Variants in RAB37 observed in about 807,000 individuals in gnomAD.
RAB37 encodes the protein ras-related protein Rab-37.
RAB37 carries 29 observed loss-of-function variants against 33.1 expected under a neutral mutation model. The observed-to-expected ratio is 0.88, with a 90% CI of 0.65 to 1.20. RAB37 has a LOEUF of 1.20. RAB37 is among the 50% of genes most tolerant of loss of function. RAB37 has a pLI of 0.00. For missense variants in RAB37, 299 were observed against 301.1 expected (o/e 0.99, Z 0.05); for synonymous variants, 128 against 119.5 (o/e 1.07, Z -0.47).
At chr17:74,710,742 C>T (rs2033891946) in intron 1 of RAB37, among the ~76,000 whole-genome samples, 4 of 151,922 alleles carry the variant, frequency 2.6e-5, no homozygotes, top group African/African-American at 9.7e-5. Context: ...GCTGGCACAC[C>T]TGTAATCCCA....
intron 1 of RAB37, among the ~76,000 whole-genome samples, chr17:74,700,594 C>T (rs1236795585): frequency 6.6e-6 from 1 of 151,994 alleles, no homozygotes; most frequent in East Asian, 1.9e-4. Flanking sequence ...TACAAAATAA[C>T]AGCCGGGTGT....
At chr17:74,696,290 A>C in intron 1 of RAB37, 1 of 1,492,250 alleles carries the variant, frequency 6.7e-7, no homozygotes, top group Non-Finnish European at 9.0e-7. Context: ...GGTCTAGGGA[A>C]GAGAAATATG....
chr17:74,722,865 T>C (rs2034259834), intron 1 of RAB37, among the ~76,000 whole-genome samples: 1 of 152,222 alleles, frequency 6.6e-6, no homozygotes. Flanking sequence ...CTGAATTTCC[T>C]GTCTTGTTAA....
chr17:74,744,447 A>G lies in RAB37; in HGVS notation c.432+74A>G, dbSNP rs2034701305. On this transcript the variant is annotated intron_variant, in intron 6 of 8. Coordinates refer to ENST00000392613, the MANE Select transcript of RAB37 (RefSeq NM_001006638.3). The surrounding 1 kb of genome is among the most constrained non-coding windows in gnomAD (Gnocchi z 4.2). ...CTAGCCGGCCCCATAACCACCCAAG[A>G]ACAGTTATCTAGGCATCCTTCCTGA... The G allele has an allele frequency of 6.4e-6, 9 of 1,399,336 alleles. No individual in the cohort carries two copies. Among genetic ancestry groups the G allele is most frequent in the Non-Finnish European group, 9.1e-6 (9 of 985,470 alleles). The allele number at this position is 1,399,336 out of a possible 1,614,324, so 86.7% of individuals were successfully genotyped here.
chr17:74,704,584 A>G (rs200941249), intron 1 of RAB37: 1 of 1,614,224 alleles, frequency 6.2e-7, no homozygotes, highest in East Asian at 2.2e-5. Flanking sequence ...CCATGGTCAC[A>G]GTGAACGTGC....
rs144818073 is a variant in RAB37, at chr17:74,705,884, A to G, written c.73-23372A>G. ...TGTTGGGATTACAGGCGGGCCCCAC[A>G]ACGCCTGGCCTGTATTTTCTTAAAA... On this transcript the variant is annotated intron_variant, in intron 1 of 7. Coordinates refer to the RAB37 transcript ENST00000340415. Among the ~76,000 whole-genome samples the G allele has an allele frequency of 2.0e-3, 311 of 152,298 alleles. 1 individual carries two copies. Among genetic ancestry groups the G allele is most frequent in the African/African-American group, 6.3e-3 (261 of 41,564 alleles).
chr17:74,732,025 A>AC (rs201902340), intron 2 of RAB37, among the ~76,000 whole-genome samples: 57 of 147,030 alleles, frequency 3.9e-4, no homozygotes, highest in African/African-American at 1.1e-3. Context: ...AACAACAACA[A>AC]AAAAAAAAAA....
At chr17:74,702,290 A>T (rs2033124071) in intron 1 of RAB37, among the ~76,000 whole-genome samples, 1 of 152,162 alleles carries the variant, frequency 6.6e-6, no homozygotes, top group Non-Finnish European at 1.5e-5. Flanking sequence ...CAGGGCACTA[A>T]GAGGCATGAC....
At chr17:74,734,720 G>GT (rs1253911100), upstream of RAB37, among the ~76,000 whole-genome samples, 1 of 151,982 alleles carries the variant, frequency 6.6e-6, no homozygotes, top group Non-Finnish European at 1.5e-5. Flanking sequence ...ATGGGCACCT[G>GT]TTATCCCAGC....
intron 1 of RAB37, among the ~76,000 whole-genome samples, chr17:74,700,141 C>CAATAAATA (rs77860062): frequency 2.7e-4 from 40 of 147,834 alleles, no homozygotes; most frequent in East Asian, 1.0e-3. Context: ...GACCCTGTCT[C>CAATAAATA]AATAAATAAA....
In RAB37 at chr17:74,738,852, T is replaced by C. The variant is rs941192841; in HGVS notation, c.93+1487T>C. On this transcript the variant is annotated intron_variant, in intron 1 of 8. Transcript: ENST00000392613. This position sits in a 1 kb window ranked among gnomAD's most constrained non-coding sequence, Gnocchi z 5.0. ...GGTGATGTGGCCCACAGGCAGACAG[T>C]TCCCACCCTGGGCCACTCTTCCCTG... 6.6e-6 allele frequency among the ~76,000 whole-genome samples: 1 copy of C among 152,142 alleles called. No homozygotes were observed. The highest frequency in any genetic ancestry group is 6.5e-5 in the Admixed American group (1 of 15,284).
chr17:74,735,046 AAAG>A (rs1421777972), upstream of RAB37, among the ~76,000 whole-genome samples: 1 of 147,528 alleles, frequency 6.8e-6, no homozygotes, highest in Admixed American at 6.8e-5. Context: ...AGAAAGAAAG[AAAG>A]AAAGAAAGAA....
intron 1 of RAB37, among the ~76,000 whole-genome samples, chr17:74,723,422 C>T (rs1037127601): frequency 6.9e-6 from 1 of 145,648 alleles, no homozygotes; most frequent in African/African-American, 2.5e-5. Flanking sequence ...CCTTCTCGTA[C>T]TTGTGGGTTT....
chr17:74,745,436 C>T lies in RAB37; in HGVS notation c.*25C>T. ...AATCCCAGGGGGCAGAGAGGAGGCT[C>T]TGGAGGCACACAGGATGCAGCCTTC... On this transcript the variant is annotated 3_prime_UTR_variant, in exon 9 of 9. Coordinates refer to ENST00000392613, the MANE Select transcript of RAB37 (RefSeq NM_001006638.3). This position sits in a 1 kb window ranked among gnomAD's most constrained non-coding sequence, Gnocchi z 4.5. 4 of 1,580,192 alleles carry T rather than the reference C, an allele frequency of 2.5e-6. No homozygotes were observed. Among genetic ancestry groups the T allele is most frequent in the East Asian group, 2.2e-5 (1 of 44,728 alleles).
rs111264686 is a variant in RAB37 at position 74,706,685 on chromosome 17, A to G, written c.73-22571A>G. On this transcript the variant is annotated intron_variant, in intron 1 of 7. Transcript: ENST00000340415. ...CTCCATCTCAAAAACAAAACAAAAC[A>G]AAACAAAAACCAGCAGTTCAAGCAC... is the stretch of plus-strand genomic sequence containing the variant. Among the ~76,000 whole-genome samples the G allele has an allele frequency of 2.5e-3, 379 of 152,254 alleles. 1 individual carries two copies. The highest frequency in any genetic ancestry group is 8.2e-3 in the African/African-American group (339 of 41,532).
intron 1 of RAB37, among the ~76,000 whole-genome samples, chr17:74,719,158 A>G (rs552036380): frequency 6.6e-6 from 1 of 152,348 alleles, no homozygotes; most frequent in African/African-American, 2.4e-5. Flanking sequence ...TTAAAAAGGT[A>G]AAATGCAGGC....
intron 1 of RAB37, among the ~76,000 whole-genome samples, chr17:74,704,152 T>G (rs1226577406): frequency 5.3e-5 from 8 of 152,186 alleles, no homozygotes; most frequent in Non-Finnish European, 1.0e-4. Flanking sequence ...TGGCAAGGAC[T>G]GGGGTCTCTG....
At chr17:74,675,970 A>G (rs1210331001) in intron 1 of RAB37, among the ~76,000 whole-genome samples, 7 of 152,268 alleles carry the variant, frequency 4.6e-5, no homozygotes, top group Admixed American at 4.6e-4. Context: ...CAGCTAAATA[A>G]TTTAAAACAA....
chr17:74,696,005 C>T, intron 1 of RAB37: 2 of 1,263,016 alleles, frequency 1.6e-6, no homozygotes, highest in African/African-American at 1.5e-5. Flanking sequence ...TCTCAGGCTC[C>T]TGTACCCCTC....
Sources: allele counts gnomAD v4.1 joint callset (sites outside exome capture counted in the v4.1 genomes callset), GRCh38; gene constraint gnomAD v4.1.1; non-coding constraint Gnocchi (gnomAD v3.1); transcripts MANE v1.5; gene names NCBI Gene and HGNC (gene_info 2026-07-23, HGNC 2026-07-21).